Variants in EPB41L4A observed in about 807,000 individuals in gnomAD.
EPB41L4A encodes the protein band 4.1-like protein 4A.
EPB41L4A carries 100 observed loss-of-function variants against 108.6 expected under a neutral mutation model. The observed-to-expected ratio is 0.92, with a 90% CI of 0.78 to 1.09. EPB41L4A has a LOEUF of 1.09. Among genes scored for constraint, EPB41L4A ranks in the 50% least tolerant of loss-of-function variants. EPB41L4A has a pLI of 0.00. For synonymous variants in EPB41L4A, 319 were observed against 289.0 expected (o/e 1.10, Z -1.05); for missense variants, 1,030 against 842.7 (o/e 1.22, Z -2.75).
chr5:112,186,371 TCA>T (rs1178512514), intron 17 of EPB41L4A, among the ~76,000 whole-genome samples: 1 of 152,200 alleles, frequency 6.6e-6, no homozygotes, highest in Non-Finnish European at 1.5e-5. Context: ...ACCCTCATAC[TCA>T]GACTTCACTC....
In EPB41L4A at chr5:112,169,119, C is replaced by G. The variant is rs1760427086; in HGVS notation, c.1740-14G>C. 1 of 1,582,742 alleles carries G rather than the reference C, an allele frequency of 6.3e-7. No homozygotes were observed. Among genetic ancestry groups the G allele is most frequent in the African/African-American group, 1.3e-5 (1 of 74,386 alleles). ...TCACCTTGTGTCCTGAACAAGCAAC[C>G]AAGAAACATGAAAACAAACACCCAA... On this transcript the variant is annotated splice_polypyrimidine_tract_variant and intron_variant, in intron 20 of 22. Coordinates refer to ENST00000261486, the MANE Select transcript of EPB41L4A (RefSeq NM_022140.5).
Position 112,296,964 on chromosome 5 carries a change from T to C in EPB41L4A, c.204+10422A>G, listed in dbSNP as rs184680073. 1.7e-4 allele frequency among the ~76,000 whole-genome samples: 26 copies of C among 150,064 alleles called. No homozygotes were observed. The East Asian group carries it at 5.0e-3, about 29-fold the overall frequency. On this transcript the variant is annotated intron_variant, in intron 2 of 22. Transcript: ENST00000261486. ...CATTCCATTTTATGGCTGAGTAGTA[T>C]TCCATCACATACATATATACATACA... is the stretch of plus-strand genomic sequence containing the variant.
chr5:112,174,860 A>G (rs1248412113), intron 18 of EPB41L4A, among the ~76,000 whole-genome samples: 1 of 152,186 alleles, frequency 6.6e-6, no homozygotes, highest in Non-Finnish European at 1.5e-5. Flanking sequence ...TATTTAAGGA[A>G]TTCAAAGCAC....
intron 1 of EPB41L4A, among the ~76,000 whole-genome samples, chr5:112,377,236 A>G (rs552916969): frequency 2.0e-5 from 3 of 151,552 alleles, no homozygotes; most frequent in African/African-American, 7.3e-5. Context: ...AAAAAAGACA[A>G]TATGTGGAAT....
intron 7 of EPB41L4A, among the ~76,000 whole-genome samples, chr5:112,260,388 G>GA (rs1361218405): frequency 6.6e-6 from 1 of 152,158 alleles, no homozygotes; most frequent in Non-Finnish European, 1.5e-5. Flanking sequence ...CAAAGTAGCA[G>GA]AAAAAACACA....
At position 112,209,967 on chromosome 5, in the gene EPB41L4A, C is replaced by T; in HGVS notation, c.1103G>A (p.Ser368Asn). The T allele has an allele frequency of 6.3e-7, 1 of 1,592,488 alleles. No individual in the cohort carries two copies. Among genetic ancestry groups the T allele is most frequent in the Non-Finnish European group, 8.6e-7 (1 of 1,162,238 alleles). ...QTQPAESNSISRITANMENGE... is the reference protein window; with the variant it reads ...QTQPAESNSINRITANMENGE... ...ATTTTCCATGTTTGCAGTTATCCTA[C>T]TGATGCTGTTTGATTCTAGCAGAGG... Residue 368 changes from serine (S) to asparagine (N), a missense_variant, in exon 13 of 23, where the codon AGT becomes AAT. Physicochemically the swap from Ser to Asn is conservative, Grantham distance 46. Coordinates refer to ENST00000261486, the MANE Select transcript of EPB41L4A (RefSeq NM_022140.5).
At chr5:112,186,705 G>A (rs1043672113) in intron 17 of EPB41L4A, among the ~76,000 whole-genome samples, 1 of 152,146 alleles carries the variant, frequency 6.6e-6, no homozygotes, top group African/African-American at 2.4e-5. Flanking sequence ...TGGCGGCCTT[G>A]GCCTGTAATG....
chr5:112,158,500 C>G (rs1161316123), downstream of EPB41L4A: 5 of 325,916 alleles, frequency 1.5e-5, no homozygotes, highest in Admixed American at 1.5e-4. Flanking sequence ...CTGGCTGCCC[C>G]AGTCCAAGAA....
intron 4 of EPB41L4A, 39 bp from the exon 5 acceptor site, chr5:112,266,369 C>T: frequency 1.4e-6 from 2 of 1,409,160 alleles, no homozygotes; most frequent in Non-Finnish European, 2.0e-6. Flanking sequence ...CGATCTCTTA[C>T]ACTACTCAAA....
chr5:112,192,553 T>G (rs1761757357), intron 17 of EPB41L4A, among the ~76,000 whole-genome samples: 1 of 152,206 alleles, frequency 6.6e-6, no homozygotes, highest in South Asian at 2.1e-4. Flanking sequence ...ACATTCAGAA[T>G]CACCGTTATT....
chr5:112,217,128 G>C (rs1196904866), intron 12 of EPB41L4A, among the ~76,000 whole-genome samples: 3 of 151,936 alleles, frequency 2.0e-5, no homozygotes, highest in Non-Finnish European at 2.9e-5. Flanking sequence ...TATTTTAGTA[G>C]AGATGGGGTT....
intron 1 of EPB41L4A, among the ~76,000 whole-genome samples, chr5:112,343,044 A>G (rs913626901): frequency 1.3e-5 from 2 of 152,246 alleles, no homozygotes; most frequent in Non-Finnish European, 2.9e-5. Context: ...CCCATTTGGA[A>G]GCAACTAGCA....
At chr5:112,226,891 T>C (rs1748491356) in intron 12 of EPB41L4A, among the ~76,000 whole-genome samples, 1 of 151,738 alleles carries the variant, frequency 6.6e-6, no homozygotes, top group Admixed American at 6.6e-5. Context: ...TAGAGATTGG[T>C]TGTACAACAA....
intron 1 of EPB41L4A, among the ~76,000 whole-genome samples, chr5:112,341,444 C>A (rs1332498442): frequency 6.6e-6 from 1 of 152,160 alleles, no homozygotes; most frequent in Non-Finnish European, 1.5e-5. Context: ...TAGCAGGGAT[C>A]ATCAAATGTA....
intron 2 of EPB41L4A, among the ~76,000 whole-genome samples, chr5:112,306,828 ATT>A (rs1449261580): frequency 1.9e-5 from 2 of 106,236 alleles, no homozygotes; most frequent in Non-Finnish European, 4.0e-5. Context: ...GACCCTCTGA[ATT>A]AACCTTTGTG....
At chr5:112,196,873 A>G (rs972734451) in intron 15 of EPB41L4A, 8 of 152,274 alleles carry the variant, frequency 5.3e-5, no homozygotes, top group Admixed American at 1.3e-4. Flanking sequence ...TCCACCCTGC[A>G]ACCCTCTGAC....
intron 2 of EPB41L4A, among the ~76,000 whole-genome samples, chr5:112,282,133 G>A (rs1226059085): frequency 6.6e-6 from 1 of 152,166 alleles, no homozygotes. Flanking sequence ...TGCTCTTGGA[G>A]CCCACAGCGA....
chr5:112,346,222 T>C (rs1197511726), intron 1 of EPB41L4A, among the ~76,000 whole-genome samples: 1 of 98,020 alleles, frequency 1.0e-5, no homozygotes, highest in Non-Finnish European at 1.9e-5. Flanking sequence ...TTGCATTTTT[T>C]TTTTTTTTTT....
chr5:112,359,361 C>T (rs1016208120), intron 1 of EPB41L4A, among the ~76,000 whole-genome samples: 2 of 152,176 alleles, frequency 1.3e-5, no homozygotes, highest in Non-Finnish European at 2.9e-5. Flanking sequence ...CTGAGAGAAA[C>T]TGCCTAGCCA....
Sources: gnomAD v4.1 joint callset for allele counts (sites outside exome capture counted in the v4.1 genomes callset) on GRCh38, gnomAD v4.1.1 for gene constraint, MANE v1.5 for transcripts, NCBI Gene and HGNC (gene_info 2026-07-23, HGNC 2026-07-21) for gene names.